PIK3R5: variants seen among roughly 807,000 people sequenced by gnomAD.
The protein encoded by PIK3R5 is phosphoinositide-3-kinase regulatory subunit 5, also known as phosphoinositide 3-kinase regulatory subunit 5.
Under a neutral mutation model 94.9 loss-of-function variants are expected in PIK3R5, and 32 were observed. That is an observed-to-expected ratio of 0.34 (90% CI 0.25 to 0.45). The LOEUF (loss-of-function observed/expected upper bound fraction) is 0.45. Ranked by LOEUF, PIK3R5 falls within the 20% of genes least tolerant of loss-of-function variation. PIK3R5 has a pLI of 1.00. For synonymous variants in PIK3R5, 443 were observed against 479.4 expected (o/e 0.92, Z 0.99); for missense variants, 853 against 1,144.6 (o/e 0.75, Z 3.68).
At chr17:8,913,781 C>T (rs149011649) in intron 1 of PIK3R5, among the ~76,000 whole-genome samples, 22 of 152,216 alleles carry the variant, frequency 1.4e-4, no homozygotes, top group African/African-American at 5.3e-4. Context: ...ATTAGCAGCA[C>T]CTGGATGCCC....
rs2090527971 is a variant in PIK3R5 at position 8,911,672 on chromosome 17, T to A, written c.-13-165A>T. ...AGGGGCCTTACAGCTGCCTCCAGGG[T>A]AGGAATGGCATCTGGAGGGCCACAT... On this transcript the variant is annotated intron_variant, in intron 1 of 18. Transcript: ENST00000447110. This position sits in a 1 kb window ranked among gnomAD's most constrained non-coding sequence, Gnocchi z 5.3. The A allele has an allele frequency of 1.6e-5, 9 of 572,988 alleles. No homozygotes were observed. The South Asian group carries it at 1.6e-4, about 10-fold the overall frequency. 35.5% of individuals were successfully genotyped at this position (572,988 alleles called of 1,614,324 possible). A position where few individuals can be genotyped will look rare whatever the true frequency, so the allele number is the denominator to read the frequency against.
At chr17:8,887,345 C>T (rs2089889918) in intron 11 of PIK3R5, 124 bp from the exon 12 acceptor site, 3 of 1,423,378 alleles carry the variant, frequency 2.1e-6, no homozygotes. Context: ...GGAAGTATGA[C>T]AACTTTCAGT....
intron 4 of PIK3R5, 35 bp downstream of exon 4, chr17:8,905,634 C>G (rs781668857): frequency 2.0e-6 from 3 of 1,531,700 alleles, no homozygotes; most frequent in East Asian, 2.4e-5. Flanking sequence ...CCCCCTCCTC[C>G]CTCACCTCCA....
chr17:8,904,930 G>C lies in PIK3R5; in HGVS notation c.274-15C>G. On this transcript the variant is annotated splice_polypyrimidine_tract_variant and intron_variant, in intron 4 of 18. Coordinates refer to ENST00000447110, the MANE Select transcript of PIK3R5 (RefSeq NM_001142633.3). This position sits in a 1 kb window ranked among gnomAD's most constrained non-coding sequence, Gnocchi z 5.1. Reference sequence around the variant, plus strand: ...AAGTGTGGTGTCTAGGATGGAGGCAGGCAACAAGCAAAGAGATCTAGGTGA... The same window carrying C: ...AAGTGTGGTGTCTAGGATGGAGGCACGCAACAAGCAAAGAGATCTAGGTGA... 1 of 1,610,740 alleles carries C rather than the reference G, an allele frequency of 6.2e-7. No homozygotes were observed. The highest frequency in any genetic ancestry group is 8.5e-7 in the Non-Finnish European group (1 of 1,179,920).
rs745956546 is a variant in PIK3R5, at chr17:8,887,196, T to C, written c.1805A>G (p.Glu602Gly). ...PGELGTTPWE[E>G]STNDISHYLG... is the part of the protein sequence containing the mutation. Reference sequence around the variant, plus strand: ...GTAGTGGGAGATGTCATTGGTGCTCTCCTCCCATGGGGTGGTGCCCAGCTC... The same window carrying C: ...GTAGTGGGAGATGTCATTGGTGCTCCCCTCCCATGGGGTGGTGCCCAGCTC... The change falls in exon 12 of 19, where the codon GAG becomes GGG. Residue 602 changes from glutamate to glycine, a missense_variant. This residue lies in a region of PIK3R5 where 173 missense variants were observed against 274.1 expected (regional missense o/e 0.63). Coordinates refer to ENST00000447110, the MANE Select transcript of PIK3R5 (RefSeq NM_001142633.3). 1 of 1,613,696 alleles carries C rather than the reference T, an allele frequency of 6.2e-7. No homozygotes were observed. The highest frequency in any genetic ancestry group is 1.7e-5 in the Admixed American group (1 of 60,006).
At position 8,957,636 on chromosome 17, in the gene PIK3R5, C is replaced by T. The variant is rs115854415; in HGVS notation, c.-14+7960G>A. Reference sequence around the variant, plus strand: ...ATGCCCAGTTCAGTGTGGAAATAGGCATGCTTGTTAGCTGAAGGGCATATA... The same window carrying T: ...ATGCCCAGTTCAGTGTGGAAATAGGTATGCTTGTTAGCTGAAGGGCATATA... On this transcript the variant is annotated intron_variant, in intron 1 of 18. Coordinates refer to ENST00000447110, the MANE Select transcript of PIK3R5 (RefSeq NM_001142633.3). Among the ~76,000 whole-genome samples the T allele has an allele frequency of 1.9e-3, 289 of 152,318 alleles. 3 individuals are homozygous for T. The highest frequency in any genetic ancestry group is 6.6e-3 in the African/African-American group (274 of 41,558).
chr17:8,898,643 G>C (rs1233803494), intron 5 of PIK3R5, among the ~76,000 whole-genome samples: 1 of 152,162 alleles, frequency 6.6e-6, no homozygotes, highest in African/African-American at 2.4e-5. Flanking sequence ...GGTTAGATGG[G>C]ACCAACCTAT....
In PIK3R5 at chr17:8,896,775, G is replaced by A. The variant is rs151003853; in HGVS notation, c.413-3120C>T. 2.9e-4 allele frequency among the ~76,000 whole-genome samples: 44 copies of A among 152,336 alleles called. No individual in the cohort carries two copies. The highest frequency in any genetic ancestry group is 3.4e-3 in the Middle Eastern group (1 of 294). On this transcript the variant is annotated intron_variant, in intron 5 of 18. Coordinates refer to ENST00000447110, the MANE Select transcript of PIK3R5 (RefSeq NM_001142633.3). This position sits in a 1 kb window ranked among gnomAD's most constrained non-coding sequence, Gnocchi z 4.0. ...ACACACGGATAGACAGGTCCATGCT[G>A]AGGGTGATGTGGGTACTTGAGCCTG...
In PIK3R5 at chr17:8,925,811, C is replaced by T. The variant is rs1469402441; in HGVS notation, c.-13-14304G>A. 1.3e-5 allele frequency among the ~76,000 whole-genome samples: 2 copies of T among 152,176 alleles called. No individual in the cohort carries two copies. Among genetic ancestry groups the T allele is most frequent in the Non-Finnish European group, 2.9e-5 (2 of 68,036 alleles). On this transcript the variant is annotated intron_variant, in intron 1 of 18. Transcript: ENST00000447110. This position sits in a 1 kb window ranked among gnomAD's most constrained non-coding sequence, Gnocchi z 5.1. ...TCCCCTTTTGTCTTTTCCTTTAATG[C>T]AGATAGATGCATCACATTCACTGAG...
intron 1 of PIK3R5, among the ~76,000 whole-genome samples, chr17:8,948,166 C>G (rs74508494): frequency 0.044 from 6,732 of 151,758 alleles, 205 homozygotes; most frequent in Non-Finnish European, 0.064. Flanking sequence ...GCCAGTAACT[C>G]AAGACAGTGG....
chr17:8,910,893 C>T (rs1030481460), intron 2 of PIK3R5, among the ~76,000 whole-genome samples: 1 of 152,082 alleles, frequency 6.6e-6, no homozygotes, highest in Admixed American at 6.5e-5. Context: ...CCTTCAGAGA[C>T]GCAACTGCCC....
intron 5 of PIK3R5, among the ~76,000 whole-genome samples, chr17:8,897,083 C>T (rs1219058288): frequency 2.0e-5 from 3 of 152,220 alleles, no homozygotes; most frequent in African/African-American, 7.2e-5. Context: ...TGTATAGCGC[C>T]TTCCTGCTCC....
chr17:8,886,635 C>T (rs1322846185), intron 12 of PIK3R5, 30 bp from the exon 13 acceptor site: 1 of 1,550,456 alleles, frequency 6.4e-7, no homozygotes. Flanking sequence ...GCAGCCAAGC[C>T]AGATGGGTGG....
At position 8,918,383 on chromosome 17, in the gene PIK3R5, G is replaced by T. The variant is rs147756091; in HGVS notation, c.-13-6876C>A. 2.6e-3 allele frequency among the ~76,000 whole-genome samples: 403 copies of T among 152,330 alleles called. 3 individuals are homozygous for T. Among genetic ancestry groups the T allele is most frequent in the Non-Finnish European group, 2.5e-3 (167 of 68,042 alleles). On this transcript the variant is annotated intron_variant, in intron 1 of 18. Transcript: ENST00000447110. ...GTCAAAAGGACATAGGGTCTAACCT[G>T]AAGGAGCTTCCAATGGCCACAGCTA...
At chr17:8,922,684 G>T (rs1375342738) in intron 1 of PIK3R5, among the ~76,000 whole-genome samples, 3 of 152,204 alleles carry the variant, frequency 2.0e-5, no homozygotes, top group Non-Finnish European at 4.4e-5. Context: ...TTCTCCTTGG[G>T]TTAGGGCTGT....
intron 1 of PIK3R5, among the ~76,000 whole-genome samples, chr17:8,922,246 C>G (rs562236112): frequency 6.6e-6 from 1 of 151,892 alleles, no homozygotes; most frequent in Admixed American, 6.6e-5. Flanking sequence ...CTATGTTGGG[C>G]GCTTTCACTT....
chr17:8,900,144 T>TA (rs2090249166), intron 5 of PIK3R5, among the ~76,000 whole-genome samples: 1 of 152,228 alleles, frequency 6.6e-6, no homozygotes, highest in Non-Finnish European at 1.5e-5. Flanking sequence ...TTAGGTTCTT[T>TA]AAAATTGAAG....
chr17:8,903,962 C>T (rs931247226), intron 5 of PIK3R5, among the ~76,000 whole-genome samples: 1 of 152,186 alleles, frequency 6.6e-6, no homozygotes, highest in Non-Finnish European at 1.5e-5. Flanking sequence ...ATTATTGGCT[C>T]TAAAGAACAT....
chr17:8,916,921 C>G (rs977522496), intron 1 of PIK3R5: 2 of 152,376 alleles, frequency 1.3e-5, no homozygotes, highest in African/African-American at 4.8e-5. Context: ...CTGGCTGGCT[C>G]TCCACACTGC....
Sources: gnomAD v4.1 joint callset for allele counts (sites outside exome capture counted in the v4.1 genomes callset) on GRCh38, gnomAD v4.1.1 for gene constraint, gnomAD v4.1.1 regional missense constraint, Gnocchi (gnomAD v3.1) non-coding constraint, MANE v1.5 for transcripts, NCBI Gene and HGNC (gene_info 2026-07-23, HGNC 2026-07-21) for gene names.